The following SASH1 variants were observed in gnomAD, a reference collection of about 807,000 sequenced individuals.
SASH1 encodes SAM and SH3 domain containing 1.
Under a neutral mutation model 125.2 loss-of-function variants are expected in SASH1, and 44 were observed. The ratio of observed to expected loss-of-function variants is 0.35; its 90% CI spans 0.28 to 0.45. The LOEUF is 0.45. Ranked by LOEUF, SASH1 falls within the 20% of genes least tolerant of loss-of-function variation. SASH1 has a pLI of 1.00. For missense variants in SASH1, 1,426 were observed against 1,614.5 expected (o/e 0.88, Z 2.00); for synonymous variants, 639 against 649.1 (o/e 0.98, Z 0.24).
upstream of SASH1, among the ~76,000 whole-genome samples, chr6:148,267,392 TGTGTGA>T (rs1001178662): frequency 2.7e-5 from 4 of 150,876 alleles, no homozygotes; most frequent in South Asian, 2.1e-4. Flanking sequence ...TGTGTGTGTG[TGTGTGA>T]GATGGAGTCT....
the SASH1 span, among the ~76,000 whole-genome samples, chr6:148,198,498 G>T: frequency 1.3e-5 from 2 of 152,158 alleles, no homozygotes; most frequent in African/African-American, 4.8e-5. Flanking sequence ...ACTTTTCTAG[G>T]CATGTACATA....
rs1554275684 is a variant in SASH1 at position 148,549,727 on chromosome 6, A to ACTATGGAACGCT, written c.*1178_*1179insGCTCTATGGAAC. 3 of 396,616 alleles carry ACTATGGAACGCT rather than the reference A, an allele frequency of 7.6e-6. No individual in the cohort carries two copies. The highest frequency in any genetic ancestry group is 8.9e-6 in the Non-Finnish European group (2 of 224,842). The allele number at this position is 396,616 out of a possible 1,614,324, so 24.6% of individuals were successfully genotyped here. On this transcript the variant is annotated 3_prime_UTR_variant, in exon 20 of 20. Transcript: ENST00000367467. ...ATTCTTTTAATTTAAACAAAGGTTC[A>ACTATGGAACGCT]CTATGGAACCAGACAAATCTCATTA...
In SASH1 at chr6:148,546,125, T is replaced by C; in HGVS notation, c.3459T>C (p.Leu1153=). Residue 1153 remains leucine, a synonymous_variant, in exon 19 of 20, where the codon CTT becomes CTC. Transcript: ENST00000367467. ...ANMDQIRVKQ[L]RKQHRMAIPS... is the part of the protein sequence containing the mutation. ...TGGACCAGATCCGGGTGAAGCAGCT[T>C]CGGAAGCAGCACCGCATGGCGGTGA... is the stretch of plus-strand genomic sequence containing the variant. 1.2e-6 allele frequency: 2 copies of C among 1,614,144 alleles called. No homozygotes were observed. The highest frequency in any genetic ancestry group is 1.7e-6 in the Non-Finnish European group (2 of 1,180,016).
intron 7 of SASH1, among the ~76,000 whole-genome samples, chr6:148,486,197 C>T (rs1327659497): frequency 3.3e-5 from 5 of 152,124 alleles, no homozygotes; most frequent in South Asian, 2.1e-4. Flanking sequence ...CTCGGCTCAC[C>T]GCAACCTCTG....
chr6:148,379,859 GC>G (rs1373898520), intron 1 of SASH1: 1 of 455,260 alleles, frequency 2.2e-6, no homozygotes, highest in Non-Finnish European at 4.4e-6. Flanking sequence ...TTAAAGAGCT[GC>G]CATGTTCCAT....
rs1783571322 is a variant in SASH1 at position 148,388,480 on chromosome 6, A to G, written c.157-1654A>G. The stretch of plus-strand genomic sequence containing the variant: ...GACTTTTGTCCAGACACATTCAAAG[A>G]TCTTACTGGCCTTAGAAGAGTCCTT... On this transcript the variant is annotated intron_variant, in intron 1 of 19. Transcript: ENST00000367467. Among the ~76,000 whole-genome samples, 2 of 152,220 alleles carry G rather than the reference A, an allele frequency of 1.3e-5. 1 individual carries two copies. Among genetic ancestry groups the G allele is most frequent in the South Asian group, 4.1e-4 (2 of 4,834 alleles).
intron 4 of SASH1, among the ~76,000 whole-genome samples, chr6:148,446,247 T>G (rs949923346): frequency 6.6e-6 from 1 of 151,812 alleles, no homozygotes; most frequent in Admixed American, 6.6e-5. Context: ...TAGCTGGGAC[T>G]ACAGGTGCCC....
At chr6:148,282,745 C>G (rs1779375630) in intron 1 of SASH1, among the ~76,000 whole-genome samples, 2 of 97,066 alleles carry the variant, frequency 2.1e-5, no homozygotes, top group African/African-American at 9.1e-5. Context: ...ACCGAACTAA[C>G]ACAACCACTA....
intron 10 of SASH1, among the ~76,000 whole-genome samples, chr6:148,522,012 T>A (rs1780845269): frequency 6.6e-6 from 1 of 152,256 alleles, no homozygotes; most frequent in South Asian, 2.1e-4. Flanking sequence ...ATTTCTGGGA[T>A]TTGTGCTAGT....
chr6:148,461,697 G>C (rs1777616166), intron 4 of SASH1, among the ~76,000 whole-genome samples: 1 of 152,068 alleles, frequency 6.6e-6, no homozygotes, highest in South Asian at 2.1e-4. Context: ...CTGGAGAAAG[G>C]GTGACTCTTG....
At position 148,532,689 on chromosome 6, in the gene SASH1, C is replaced by T. The variant is rs545113230; in HGVS notation, c.1565-108C>T. The T allele has an allele frequency of 7.5e-7, 1 of 1,338,162 alleles. No homozygotes were observed. Among genetic ancestry groups the T allele is most frequent in the South Asian group, 1.3e-5 (1 of 75,900 alleles). 82.9% of individuals were successfully genotyped at this position (1,338,162 alleles called of 1,614,324 possible). On this transcript the variant is annotated intron_variant, in intron 13 of 19. Transcript: ENST00000367467. The surrounding 1 kb of genome is among the most constrained non-coding windows in gnomAD (Gnocchi z 4.7). ...GACAGAGGGTTGTGGCTCAAGGCTTCCTTTCTCTGGGCCTTCATTTCCTAA... is the reference window on the plus strand; with the variant it reads ...GACAGAGGGTTGTGGCTCAAGGCTTTCTTTCTCTGGGCCTTCATTTCCTAA...
intron 9 of SASH1, among the ~76,000 whole-genome samples, chr6:148,516,463 G>A (rs1401707052): frequency 1.3e-5 from 2 of 151,874 alleles, no homozygotes; most frequent in Non-Finnish European, 2.9e-5. Flanking sequence ...ATCTTGCAGA[G>A]CAGGAAGGAT....
intron 1 of SASH1, among the ~76,000 whole-genome samples, chr6:148,285,785 C>T (rs1396452634): frequency 6.6e-6 from 1 of 152,176 alleles, no homozygotes; most frequent in African/African-American, 2.4e-5. Context: ...GAAGCGCCAA[C>T]AGTTTTCAAT....
chr6:148,534,351 T>C (rs1781711405), intron 15 of SASH1, among the ~76,000 whole-genome samples: 1 of 152,190 alleles, frequency 6.6e-6, no homozygotes, highest in Non-Finnish European at 1.5e-5. Flanking sequence ...GAGTCTGCAA[T>C]GAGAGATTAT....
the SASH1 span, among the ~76,000 whole-genome samples, chr6:148,254,066 C>T: frequency 1.3e-4 from 19 of 151,020 alleles, no homozygotes; most frequent in Non-Finnish European, 2.5e-4. Context: ...ATTAACTGGG[C>T]ATTGGTGGCG....
At chr6:148,324,768 A>G (rs2114582728) in intron 1 of SASH1, among the ~76,000 whole-genome samples, 1 of 152,308 alleles carries the variant, frequency 6.6e-6, no homozygotes. Flanking sequence ...AGTTAGCCTG[A>G]GTATGAGGGC....
intron 1 of SASH1, among the ~76,000 whole-genome samples, chr6:148,361,895 C>CT (rs1209756601): frequency 4.2e-4 from 63 of 148,582 alleles, no homozygotes; most frequent in Non-Finnish European, 8.6e-4. Flanking sequence ...TCCAGCATTT[C>CT]TTTTTTCTTT....
At chr6:148,412,630 C>T (rs1784673471) in intron 2 of SASH1, among the ~76,000 whole-genome samples, 1 of 152,124 alleles carries the variant, frequency 6.6e-6, no homozygotes, top group South Asian at 2.1e-4. Context: ...ACAAGCACAA[C>T]ACCAGAATCT....
chr6:148,352,330 G>C (rs980045565), intron 1 of SASH1, among the ~76,000 whole-genome samples: 3 of 152,228 alleles, frequency 2.0e-5, no homozygotes, highest in Admixed American at 1.3e-4. Flanking sequence ...AGGCTTGGTG[G>C]CTCACGCCTG....
Sources: gnomAD v4.1 joint callset for allele counts (sites outside exome capture counted in the v4.1 genomes callset) on GRCh38, gnomAD v4.1.1 for gene constraint, Gnocchi (gnomAD v3.1) non-coding constraint, MANE v1.5 for transcripts, NCBI Gene and HGNC (gene_info 2026-07-23, HGNC 2026-07-21) for gene names.